The following KCNMA1 variants were observed in gnomAD, a reference collection of about 807,000 sequenced individuals.
KCNMA1 encodes Calcium-activated potassium channel subunit alpha-1.
Under a neutral mutation model 140.0 loss-of-function variants are expected in KCNMA1, and 29 were observed. The ratio of observed to expected loss-of-function variants is 0.21; its 90% CI spans 0.15 to 0.28. KCNMA1 has a LOEUF of 0.28. Among genes scored for constraint, KCNMA1 ranks in the 10% least tolerant of loss-of-function variants. KCNMA1 has a pLI of 1.00. For missense variants in KCNMA1, 880 were observed against 1,602.2 expected, an observed-to-expected ratio of 0.55 and a Z score of 7.70; for synonymous variants, 612 against 611.9, an observed-to-expected ratio of 1.00 and a Z score of 0.00.
chr10:76,983,244 T>A (rs1189359369), intron 19 of KCNMA1, among the ~76,000 whole-genome samples: 2 of 152,258 alleles, frequency 1.3e-5, no homozygotes, highest in African/African-American at 4.8e-5. Flanking sequence ...TCAATAACAT[T>A]TCAAGATGTT....
At chr10:77,481,048 G>T (rs1349571571) in intron 1 of KCNMA1, among the ~76,000 whole-genome samples, 1 of 151,576 alleles carries the variant, frequency 6.6e-6, no homozygotes, top group Non-Finnish European at 1.5e-5. Context: ...AACCTGGAAG[G>T]GGGAGGTTCC....
chr10:77,357,767 G>T (rs192517047), intron 2 of KCNMA1, among the ~76,000 whole-genome samples: 261 of 152,280 alleles, frequency 1.7e-3, no homozygotes, highest in African/African-American at 5.9e-3. Flanking sequence ...ATGGCTCTCA[G>T]TTTTCCTGCT....
At chr10:77,362,291 G>A (rs1286726922) in intron 2 of KCNMA1, among the ~76,000 whole-genome samples, 1 of 151,028 alleles carries the variant, frequency 6.6e-6, no homozygotes, top group Non-Finnish European at 1.5e-5. Flanking sequence ...TTAGCCCCAG[G>A]ACACATCCTT....
At chr10:77,257,702 A>G (rs543958003) in intron 2 of KCNMA1, among the ~76,000 whole-genome samples, 3 of 152,234 alleles carry the variant, frequency 2.0e-5, no homozygotes, top group Admixed American at 6.5e-5. Flanking sequence ...TAATTGAATC[A>G]TGGGGGCGGG....
At chr10:77,398,848 T>C (rs1244608468) in intron 2 of KCNMA1, among the ~76,000 whole-genome samples, 1 of 152,228 alleles carries the variant, frequency 6.6e-6, no homozygotes, top group Non-Finnish European at 1.5e-5. Flanking sequence ...AACCAAACTA[T>C]ACTAAAACCT....
intron 2 of KCNMA1, among the ~76,000 whole-genome samples, chr10:77,279,965 T>A (rs2067923176): frequency 6.6e-6 from 1 of 152,208 alleles, no homozygotes; most frequent in Admixed American, 6.5e-5. Flanking sequence ...CTCAGTTATA[T>A]CTTTATCAGC....
At chr10:77,330,328 G>A (rs946782734) in intron 2 of KCNMA1, among the ~76,000 whole-genome samples, 35 of 152,224 alleles carry the variant, frequency 2.3e-4, no homozygotes, top group South Asian at 1.0e-3. Flanking sequence ...CCATGCTTGG[G>A]GCCACTCCTA....
intron 17 of KCNMA1, 151 bp downstream of exon 17, chr10:77,018,862 A>G: frequency 3.0e-6 from 2 of 662,934 alleles, no homozygotes. Context: ...AATTCACTAC[A>G]TGAACTGGAG....
chr10:77,300,636 A>C (rs949053789), intron 2 of KCNMA1, among the ~76,000 whole-genome samples: 2 of 152,164 alleles, frequency 1.3e-5, no homozygotes, highest in African/African-American at 2.4e-5. Context: ...TTTCTCATCA[A>C]CGTATTTGAG....
intron 1 of KCNMA1, among the ~76,000 whole-genome samples, chr10:77,450,189 G>T (rs762130738): frequency 5.3e-4 from 81 of 152,200 alleles, no homozygotes; most frequent in Non-Finnish European, 1.0e-3. Context: ...CCGAGTAGCT[G>T]GGATTACAGG....
chr10:77,237,811 T>C (rs1216762821), intron 3 of KCNMA1, among the ~76,000 whole-genome samples: 2 of 152,158 alleles, frequency 1.3e-5, no homozygotes, highest in Admixed American at 6.5e-5. Context: ...ATGACAAATA[T>C]GAATATACAA....
chr10:77,561,526 C>T (rs2066393759), intron 1 of KCNMA1, among the ~76,000 whole-genome samples: 1 of 152,206 alleles, frequency 6.6e-6, no homozygotes, highest in African/African-American at 2.4e-5. Context: ...CTAATTACCT[C>T]CACTACACTG....
intron 20 of KCNMA1, among the ~76,000 whole-genome samples, chr10:76,960,496 C>T (rs1461083623): frequency 6.6e-6 from 1 of 151,594 alleles, no homozygotes; most frequent in Non-Finnish European, 1.5e-5. Context: ...GCCGAGATCA[C>T]ACTACTGCAC....
At chr10:77,475,488 C>G (rs186718097) in intron 1 of KCNMA1, among the ~76,000 whole-genome samples, 3 of 152,160 alleles carry the variant, frequency 2.0e-5, no homozygotes, top group Non-Finnish European at 2.9e-5. Flanking sequence ...TCCTTACACA[C>G]GCTTAGTGGT....
chr10:77,181,528 C>A (rs184864852), intron 5 of KCNMA1, among the ~76,000 whole-genome samples: 1 of 152,160 alleles, frequency 6.6e-6, no homozygotes, highest in Non-Finnish European at 1.5e-5. Context: ...CTAAAAGATT[C>A]TTCGAAGTCA....
chr10:77,615,668 T>C (rs1259401985), intron 1 of KCNMA1, among the ~76,000 whole-genome samples: 3 of 152,086 alleles, frequency 2.0e-5, no homozygotes, highest in Non-Finnish European at 2.9e-5. Flanking sequence ...GTCCTTCCTA[T>C]AGTGGTATAG....
intron 1 of KCNMA1, among the ~76,000 whole-genome samples, chr10:77,423,184 T>C (rs890375225): frequency 1.3e-5 from 2 of 152,162 alleles, no homozygotes; most frequent in African/African-American, 2.4e-5. Context: ...TAGGGCTGGA[T>C]TTGGCAAAAA....
intron 1 of KCNMA1, among the ~76,000 whole-genome samples, chr10:77,404,952 C>T (rs1310861866): frequency 2.0e-5 from 3 of 152,228 alleles, no homozygotes; most frequent in Non-Finnish European, 4.4e-5. Flanking sequence ...TAATAGACTA[C>T]TGATGTCATC....
At chr10:77,244,982 C>T (rs560146050) in intron 3 of KCNMA1, among the ~76,000 whole-genome samples, 2 of 152,088 alleles carry the variant, frequency 1.3e-5, no homozygotes, top group East Asian at 3.9e-4. Context: ...GAACATCCTG[C>T]CCTTGAACTT....
Sources: allele counts gnomAD v4.1 joint callset (sites outside exome capture counted in the v4.1 genomes callset), GRCh38; gene constraint gnomAD v4.1.1; transcripts MANE v1.5; gene names NCBI Gene and HGNC (gene_info 2026-07-23, HGNC 2026-07-21).